The following AIG1 variants were observed in gnomAD, a reference collection of about 807,000 sequenced individuals.
AIG1 encodes the protein androgen induced 1.
Under a neutral mutation model 31.4 loss-of-function variants are expected in AIG1, and 23 were observed. The observed-to-expected ratio is 0.73, with a 90% confidence interval of 0.53 to 1.04. AIG1 has a LOEUF of 1.04. Among genes scored for constraint, AIG1 ranks in the 50% least tolerant of loss-of-function variants. The probability of loss-of-function intolerance (pLI) is 0.00; values close to 1 mark genes in which losing one functional copy is unlikely to be tolerated. For missense variants in AIG1, 274 were observed against 295.0 expected, an observed-to-expected ratio of 0.93 and a Z score of 0.52; for synonymous variants, 100 against 110.5, an observed-to-expected ratio of 0.90 and a Z score of 0.60.
intron 1 of AIG1, among the ~76,000 whole-genome samples, chr6:143,085,908 A>G (rs1043229714): frequency 3.9e-5 from 6 of 152,190 alleles, no homozygotes; most frequent in Admixed American, 6.5e-5. Context: ...CTGTTAGGAA[A>G]TCTGCTGGGT....
At chr6:143,178,957 G>A (rs1246358670) in intron 3 of AIG1, among the ~76,000 whole-genome samples, 1 of 152,136 alleles carries the variant, frequency 6.6e-6, no homozygotes, top group Non-Finnish European at 1.5e-5. Flanking sequence ...AAGAGGCATG[G>A]CAATCCCCAC....
At chr6:143,062,432 G>A (rs76512242) in intron 1 of AIG1, among the ~76,000 whole-genome samples, 2 of 152,274 alleles carry the variant, frequency 1.3e-5, no homozygotes, top group African/African-American at 2.4e-5. Flanking sequence ...CAAGTGAGGA[G>A]CCCGTGACAA....
chr6:143,147,041 G>T (rs1049075355), intron 2 of AIG1, among the ~76,000 whole-genome samples: 16 of 152,266 alleles, frequency 1.1e-4, no homozygotes, highest in African/African-American at 3.4e-4. Flanking sequence ...AGTCTCCTAA[G>T]CACCCCTGAA....
chr6:143,251,983 A>G (rs774880766), intron 3 of AIG1, among the ~76,000 whole-genome samples: 2 of 152,212 alleles, frequency 1.3e-5, no homozygotes, highest in East Asian at 1.9e-4. Context: ...TGGAATTTTC[A>G]TGCCGCTTTG....
chr6:143,301,540 T>C (rs1389584898), intron 4 of AIG1, among the ~76,000 whole-genome samples: 1 of 152,212 alleles, frequency 6.6e-6, no homozygotes, highest in East Asian at 1.9e-4. Flanking sequence ...TCTGCAGCAC[T>C]GCGGAGGCCT....
At chr6:143,106,261 G>A (rs898318369) in intron 1 of AIG1, among the ~76,000 whole-genome samples, 4 of 152,178 alleles carry the variant, frequency 2.6e-5, no homozygotes, top group Non-Finnish European at 5.9e-5. Context: ...AAGGAACACG[G>A]AAGGTTGCCA....
At chr6:143,287,740 A>AAAG (rs1797785916) in intron 4 of AIG1, among the ~76,000 whole-genome samples, 1 of 45,336 alleles carries the variant, frequency 2.2e-5, no homozygotes, top group Admixed American at 2.3e-4. Flanking sequence ...ACTACAGTAA[A>AAAG]AAAAAAAAAA....
chr6:143,095,379 A>T (rs1238437922), intron 1 of AIG1, among the ~76,000 whole-genome samples: 1 of 152,212 alleles, frequency 6.6e-6, no homozygotes, highest in Non-Finnish European at 1.5e-5. Context: ...GGCAAAACAC[A>T]TAAGAAATGA....
intron 1 of AIG1, among the ~76,000 whole-genome samples, chr6:143,119,165 G>A (rs982034900): frequency 2.6e-5 from 4 of 152,072 alleles, no homozygotes; most frequent in Non-Finnish European, 5.9e-5. Context: ...AGTACATAGC[G>A]TGCTTATCAC....
At chr6:143,196,351 A>ACACACG (rs57775979) in intron 3 of AIG1, among the ~76,000 whole-genome samples, 369 of 5,486 alleles carry the variant, frequency 0.067, 2 homozygotes, top group African/African-American at 0.2. Flanking sequence ...AACAAAAGCA[A>ACACACG]CACACACACA....
At chr6:143,315,650 C>G (rs1010930181) in intron 4 of AIG1, among the ~76,000 whole-genome samples, 1 of 152,136 alleles carries the variant, frequency 6.6e-6, no homozygotes, top group African/African-American at 2.4e-5. Context: ...ATAAATCTTA[C>G]ACCTTTCACA....
At chr6:143,276,159 G>C (rs751901769) in intron 3 of AIG1, among the ~76,000 whole-genome samples, 3 of 152,178 alleles carry the variant, frequency 2.0e-5, no homozygotes, top group African/African-American at 7.2e-5. Context: ...ACGTGTCACT[G>C]TCCTAGTGTA....
intron 3 of AIG1, among the ~76,000 whole-genome samples, chr6:143,184,698 C>T (rs1422320514): frequency 6.6e-6 from 1 of 152,330 alleles, no homozygotes; most frequent in African/African-American, 2.4e-5. Flanking sequence ...CCTCGTCTCT[C>T]ATCTCCTGGC....
chr6:143,165,164 G>C lies in AIG1; in HGVS notation c.380G>C (p.Gly127Ala). ...YPKLLDNFIP[G>A]WLNHGMHTTV... Reference sequence around the variant, plus strand: ...AAGCTGCTGGATAATTTTATCCCAGGGTGGCTGAATCACGGAATGGTGAGT... The same window carrying C: ...AAGCTGCTGGATAATTTTATCCCAGCGTGGCTGAATCACGGAATGGTGAGT... Residue 127 changes from glycine (G) to alanine (A), a missense_variant, in exon 3 of 6, where the codon GGG becomes GCG. Coordinates refer to ENST00000357847, the MANE Select transcript of AIG1 (RefSeq NM_016108.4). 1 of 1,613,036 alleles carries C rather than the reference G, an allele frequency of 6.2e-7. No individual in the cohort carries two copies. The highest frequency in any genetic ancestry group is 1.1e-5 in the South Asian group (1 of 91,056).
chr6:143,108,741 A>G (rs990432038), intron 1 of AIG1, among the ~76,000 whole-genome samples: 1 of 152,196 alleles, frequency 6.6e-6, no homozygotes, highest in African/African-American at 2.4e-5. Flanking sequence ...TTCCTGTGGA[A>G]TGCCATTATC....
chr6:143,066,557 G>A (rs1384757039), intron 1 of AIG1, among the ~76,000 whole-genome samples: 2 of 152,182 alleles, frequency 1.3e-5, no homozygotes, highest in East Asian at 3.9e-4. Context: ...ACAGGTGTGA[G>A]CCACCGCGCC....
intron 3 of AIG1, among the ~76,000 whole-genome samples, chr6:143,216,990 A>G (rs1455710193): frequency 6.6e-6 from 1 of 152,254 alleles, no homozygotes; most frequent in East Asian, 1.9e-4. Context: ...TTCTATGACT[A>G]GTTAGCAGCA....
At chr6:143,171,464 ATTTAATATATATAAT>A (rs1787557822) in intron 3 of AIG1, among the ~76,000 whole-genome samples, 2 of 117,364 alleles carry the variant, frequency 1.7e-5, no homozygotes, top group African/African-American at 7.0e-5. Context: ...TAATATATAT[ATTTAATATATATAAT>A]ATATATTAAA....
intron 3 of AIG1, among the ~76,000 whole-genome samples, chr6:143,176,374 A>G (rs972590965): frequency 6.6e-6 from 1 of 152,042 alleles, no homozygotes; most frequent in Admixed American, 6.5e-5. Flanking sequence ...GTAAGTATTC[A>G]AGTTTCTCAG....
Sources: allele counts gnomAD v4.1 joint callset (sites outside exome capture counted in the v4.1 genomes callset), GRCh38; gene constraint gnomAD v4.1.1; transcripts MANE v1.5; gene names NCBI Gene and HGNC (gene_info 2026-07-23, HGNC 2026-07-21).